Variants in AIRE observed in about 807,000 individuals in gnomAD.
AIRE encodes the protein autoimmune regulator, also known as autoimmune polyendocrinopathy candidiasis ectodermal dystrophy protein.
AIRE carries 52 observed loss-of-function variants against 62.1 expected under a neutral mutation model. That is an observed-to-expected ratio of 0.84 (90% CI 0.67 to 1.06). The LOEUF is 1.06. Ranked by LOEUF, AIRE falls within the 50% of genes least tolerant of loss-of-function variation. The probability of loss-of-function intolerance (pLI) is 0.00; values close to 1 mark genes in which losing one functional copy is unlikely to be tolerated. For missense variants in AIRE, 774 were observed against 755.8 expected, an observed-to-expected ratio of 1.02 and a Z score of -0.28; for synonymous variants, 342 against 321.6, an observed-to-expected ratio of 1.06 and a Z score of -0.68.
chr21:44,297,816 C>A lies in AIRE; in HGVS notation c.*89C>A, dbSNP rs1368599240. On this transcript the variant is annotated 3_prime_UTR_variant, in exon 14 of 14. Coordinates refer to ENST00000291582, the MANE Select transcript of AIRE (RefSeq NM_000383.4). This position sits in a 1 kb window ranked among gnomAD's most constrained non-coding sequence, Gnocchi z 4.8. ...GTCCTGGAAGCCGGCCGGCTGGGAT[C>A]AAGAAGGGGACAGCGCCACCTCTTG... The A allele has an allele frequency of 1.6e-6, 2 of 1,275,040 alleles. No individual in the cohort carries two copies. The highest frequency in any genetic ancestry group is 2.2e-6 in the Non-Finnish European group (2 of 896,832). 79.0% of individuals were successfully genotyped at this position (1,275,040 alleles called of 1,614,324 possible). A position where few individuals can be genotyped will look rare whatever the true frequency, so the allele number is the denominator to read the frequency against.
At position 44,293,215 on chromosome 21, in the gene AIRE, G is replaced by T. The variant is rs1309261963; in HGVS notation, c.1278+40G>T. ...GGGGTCAGGGTGGGCTCTTCAAGGA[G>T]CCCAGGACCTACGGGGCGGATGAAT... On this transcript the variant is annotated intron_variant, in intron 10 of 13. Transcript: ENST00000291582. 2.7e-6 allele frequency: 4 copies of T among 1,499,358 alleles called. No homozygotes were observed. The East Asian group carries it at 9.8e-5, about 37-fold the overall frequency. 92.9% of individuals were successfully genotyped at this position (1,499,358 alleles called of 1,614,324 possible).
intron 6 of AIRE, 21 bp from the exon 7 acceptor site, chr21:44,289,967 T>G: frequency 1.2e-6 from 2 of 1,609,422 alleles, no homozygotes; most frequent in Non-Finnish European, 1.7e-6. Context: ...CCCCCATTGC[T>G]GACGCCCCTC....
In AIRE at chr21:44,297,678, A is replaced by G; in HGVS notation, c.1589A>G (p.Gln530Arg). ...LSEHTFDGIL[Q>R]WAIQSMARPA... ...CAGCACACCTTCGATGGCATCCTGC[A>G]GTGGGCCATCCAGAGCATGGCCCGT... The change falls in exon 14 of 14, where the codon CAG (glutamine) becomes CGG (arginine). Residue 530 changes from glutamine to arginine, a missense_variant. Around this residue, in one of 3 missense-constraint regions of AIRE, gnomAD observed 354 missense variants for 296.1 expected, o/e 1.20. Transcript: ENST00000291582. This position sits in a 1 kb window ranked among gnomAD's most constrained non-coding sequence, Gnocchi z 4.8. 6.2e-7 allele frequency: 1 copy of G among 1,612,482 alleles called. No individual in the cohort carries two copies. Among genetic ancestry groups the G allele is most frequent in the Non-Finnish European group, 8.5e-7 (1 of 1,179,878 alleles).
chr21:44,290,327 G>C, intron 7 of AIRE: 1 of 985,480 alleles, frequency 1.0e-6, no homozygotes, highest in Non-Finnish European at 1.2e-6. Flanking sequence ...TGTACCCGCT[G>C]CTCTCAGCTG....
chr21:44,292,301 G>T lies in AIRE; in HGVS notation c.996-1G>T. Reference sequence around the variant, plus strand: ...TCTCTGACTGGTGGACACACGAGCAGTGGGACCTGGAGGTGCTCCAGCTGC... The same window carrying T: ...TCTCTGACTGGTGGACACACGAGCATTGGGACCTGGAGGTGCTCCAGCTGC... On this transcript the variant is annotated splice_acceptor_variant, in intron 8 of 13. Transcript: ENST00000291582. LOFTEE classifies it high-confidence loss of function. 6.4e-7 allele frequency: 1 copy of T among 1,570,924 alleles called. No individual in the cohort carries two copies. The highest frequency in any genetic ancestry group is 8.6e-7 in the Non-Finnish European group (1 of 1,158,458).
chr21:44,298,029 G>C lies in AIRE; in HGVS notation c.*302G>C, dbSNP rs1254031437. 2.5e-6 allele frequency: 1 copy of C among 407,508 alleles called. No homozygotes were observed. The highest frequency in any genetic ancestry group is 5.2e-5 in the East Asian group (1 of 19,300). 25.2% of individuals were successfully genotyped at this position (407,508 alleles called of 1,614,324 possible). On this transcript the variant is annotated 3_prime_UTR_variant, in exon 14 of 14. Coordinates refer to ENST00000291582, the MANE Select transcript of AIRE (RefSeq NM_000383.4). ...TGCCTGTAATCCCAGCTACATGGGA[G>C]CCTGAGGCATGAGAATCACTTGAAC...
intron 12 of AIRE, among the ~76,000 whole-genome samples, chr21:44,294,952 C>T (rs901255667): frequency 5.3e-5 from 8 of 152,190 alleles, no homozygotes; most frequent in African/African-American, 1.2e-4. Context: ...AAAGTGACCC[C>T]GGGTCCAGCC....
Position 44,287,138 on chromosome 21 carries a change from C to T in AIRE, c.463+5C>T, listed in dbSNP as rs569224551. 1 of 1,612,038 alleles carries T rather than the reference C, an allele frequency of 6.2e-7. No homozygotes were observed. On this transcript the variant is annotated splice_donor_5th_base_variant and intron_variant, in intron 3 of 13. Coordinates refer to ENST00000291582, the MANE Select transcript of AIRE (RefSeq NM_000383.4). The surrounding 1 kb of genome is among the most constrained non-coding windows in gnomAD (Gnocchi z 4.3). ...CAAGGGGCACCGCCAGCCCAGGTAC[C>T]CTCCCTGCAGGGGAAGCCAGCCAGG...
Position 44,287,018 on chromosome 21 carries a change from G to C in AIRE, c.348G>C (p.Pro116=), listed in dbSNP as rs74162060. 5 of 1,612,734 alleles carry C rather than the reference G, an allele frequency of 3.1e-6. No homozygotes were observed. Among genetic ancestry groups the C allele is most frequent in the Non-Finnish European group, 3.4e-6 (4 of 1,179,968 alleles). ...LSQPRKGRKP[P]AVPKALVPPP... Reference sequence around the variant, plus strand: ...AGCCCCGGAAGGGGAGGAAGCCCCCGGCCGTCCCCAAGGCTTTGGTACCGC... The same window carrying C: ...AGCCCCGGAAGGGGAGGAAGCCCCCCGCCGTCCCCAAGGCTTTGGTACCGC... The change falls in exon 3 of 14, where the codon CCG becomes CCC. Residue 116 remains proline (P), a synonymous_variant. Transcript: ENST00000291582. The surrounding 1 kb of genome is among the most constrained non-coding windows in gnomAD (Gnocchi z 4.3).
In AIRE at chr21:44,298,378, A is replaced by G. The variant is rs761311740; in HGVS notation, c.*651A>G. On this transcript the variant is annotated 3_prime_UTR_variant, in exon 14 of 14. Coordinates refer to ENST00000291582, the MANE Select transcript of AIRE (RefSeq NM_000383.4). ...AGGGACCTCATGGAAGTGGAATCAC[A>G]CAGTATCTGTCCTTTTGTGTCTGTC... is the stretch of plus-strand genomic sequence containing the variant. The G allele has an allele frequency of 4.3e-5, 7 of 161,526 alleles. No homozygotes were observed. The highest frequency in any genetic ancestry group is 9.6e-5 in the Non-Finnish European group (7 of 73,162). The allele number at this position is 161,526 out of a possible 1,614,324, so 10.0% of individuals were successfully genotyped here.
intron 10 of AIRE, among the ~76,000 whole-genome samples, 176 bp downstream of exon 10, chr21:44,293,351 G>A (rs1227027707): frequency 2.0e-5 from 3 of 151,968 alleles, no homozygotes; most frequent in Non-Finnish European, 4.4e-5. Flanking sequence ...GACGCTCCTA[G>A]ACCTCCACTC....
rs752339804 is a variant in AIRE at position 44,289,808 on chromosome 21, C to T, written c.798+6C>T. On this transcript the variant is annotated splice_donor_region_variant and intron_variant, in intron 6 of 13. Coordinates refer to ENST00000291582, the MANE Select transcript of AIRE (RefSeq NM_000383.4). Reference sequence around the variant, plus strand: ...GAGCCCAGGGCGCTGCCCCCGTAAGCACCTGACCTTCCCTGGGGAGCCTGG... The same window carrying T: ...GAGCCCAGGGCGCTGCCCCCGTAAGTACCTGACCTTCCCTGGGGAGCCTGG... 6.2e-7 allele frequency: 1 copy of T among 1,612,494 alleles called. No individual in the cohort carries two copies. The highest frequency in any genetic ancestry group is 1.7e-5 in the Admixed American group (1 of 60,028).
In AIRE at chr21:44,297,174, G is replaced by A. The variant is rs987529562; in HGVS notation, c.1567-482G>A. 6.6e-6 allele frequency among the ~76,000 whole-genome samples: 1 copy of A among 152,210 alleles called. No homozygotes were observed. Among genetic ancestry groups the A allele is most frequent in the African/African-American group, 2.4e-5 (1 of 41,462 alleles). On this transcript the variant is annotated intron_variant, in intron 13 of 13. Transcript: ENST00000291582. The surrounding 1 kb of genome is among the most constrained non-coding windows in gnomAD (Gnocchi z 4.8). ...GCTGCCCCTCTGGATGGGGTCCCCG[G>A]GTATAGCTGGAGAAATGAGCGACGG...
intron 13 of AIRE, among the ~76,000 whole-genome samples, chr21:44,296,901 G>A (rs1019218961): frequency 1.3e-5 from 2 of 152,158 alleles, no homozygotes; most frequent in Admixed American, 6.5e-5. Context: ...ACGCTAAGAT[G>A]GGCAGGTAGA....
At chr21:44,290,154 T>TTAGG in intron 7 of AIRE, 86 bp downstream of exon 7, 1 of 1,546,462 alleles carries the variant, frequency 6.5e-7, no homozygotes, top group South Asian at 1.2e-5. Flanking sequence ...ACCTGGGCAC[T>TTAGG]CAGGGATGAG....
intron 11 of AIRE, 21 bp downstream of exon 11, chr21:44,293,931 G>C: frequency 6.3e-7 from 1 of 1,595,420 alleles, no homozygotes; most frequent in Non-Finnish European, 8.5e-7. Context: ...GTGGTCGGCG[G>C]GGAGGCCTGA....
At chr21:44,292,252 T>C in intron 8 of AIRE, 50 bp from the exon 9 acceptor site, 1 of 1,471,232 alleles carries the variant, frequency 6.8e-7, no homozygotes, top group Non-Finnish European at 9.3e-7. Context: ...TGGGGATCTG[T>C]CACCCGCTGT....
At chr21:44,291,734 C>T (rs1204972656) in intron 8 of AIRE, among the ~76,000 whole-genome samples, 1 of 152,164 alleles carries the variant, frequency 6.6e-6, no homozygotes, top group Non-Finnish European at 1.5e-5. Flanking sequence ...ATTCCAACCC[C>T]ACAGGACGTG....
intron 8 of AIRE, among the ~76,000 whole-genome samples, chr21:44,291,815 T>C (rs922794565): frequency 6.6e-6 from 1 of 152,112 alleles, no homozygotes; most frequent in African/African-American, 2.4e-5. Context: ...CCCCAGCCCC[T>C]GAGTGGCCGT....
Sources: allele counts gnomAD v4.1 joint callset (sites outside exome capture counted in the v4.1 genomes callset), GRCh38; gene constraint gnomAD v4.1.1; regional missense constraint gnomAD v4.1.1; non-coding constraint Gnocchi (gnomAD v3.1); transcripts MANE v1.5; gene names NCBI Gene and HGNC (gene_info 2026-07-23, HGNC 2026-07-21).